The following SEMA3A variants were observed in gnomAD, a reference collection of about 807,000 sequenced individuals.
SEMA3A encodes semaphorin 3A.
A neutral mutation model predicts 97.9 loss-of-function variants in SEMA3A; 29 were observed. The observed-to-expected ratio is 0.30, with a 90% CI of 0.22 to 0.40. SEMA3A has a LOEUF of 0.40. Among genes scored for constraint, SEMA3A ranks in the 10% least tolerant of loss-of-function variants. The pLI, the probability that SEMA3A is intolerant of heterozygous loss-of-function variation, is 1.00. For missense variants in SEMA3A, 763 were observed against 951.3 expected, an observed-to-expected ratio of 0.80 and a Z score of 2.60; for synonymous variants, 321 against 323.7, an observed-to-expected ratio of 0.99 and a Z score of 0.09.
At chr7:84,309,899 G>A (rs1310968091) in intron 2 of SEMA3A, among the ~76,000 whole-genome samples, 1 of 152,108 alleles carries the variant, frequency 6.6e-6, no homozygotes, top group East Asian at 1.9e-4. Flanking sequence ...AGGGTGATGA[G>A]AGAAATATGA....
chr7:84,393,006 T>C (rs76216476), intron 1 of SEMA3A, among the ~76,000 whole-genome samples: 72 of 152,160 alleles, frequency 4.7e-4, no homozygotes, highest in African/African-American at 1.7e-3. Context: ...CTCTTCAACA[T>C]TGTTAGTTGT....
chr7:84,382,256 T>C (rs2116143664), intron 1 of SEMA3A, among the ~76,000 whole-genome samples: 1 of 151,794 alleles, frequency 6.6e-6, no homozygotes, highest in East Asian at 2.0e-4. Context: ...TACAGGTGCC[T>C]GCCGCCACCG....
chr7:84,426,287 GATA>G (rs1804826862), intron 1 of SEMA3A, among the ~76,000 whole-genome samples: 2 of 150,728 alleles, frequency 1.3e-5, no homozygotes, highest in Non-Finnish European at 2.9e-5. Context: ...CAGATAGATA[GATA>G]GATAGATAGA....
chr7:84,050,426 T>C (rs1465437820), intron 5 of SEMA3A, among the ~76,000 whole-genome samples: 1 of 152,146 alleles, frequency 6.6e-6, no homozygotes, highest in South Asian at 2.1e-4. Flanking sequence ...TGGTATCTCA[T>C]TGTGATTTTG....
intron 3 of SEMA3A, among the ~76,000 whole-genome samples, chr7:84,113,680 G>C (rs766046719): frequency 8.5e-5 from 13 of 152,132 alleles, no homozygotes; most frequent in South Asian, 2.1e-4. Flanking sequence ...AATTTAAGTT[G>C]ATGAACACAG....
chr7:84,464,762 C>T (rs1805947792), intron 1 of SEMA3A, among the ~76,000 whole-genome samples: 1 of 152,070 alleles, frequency 6.6e-6, no homozygotes, highest in Admixed American at 6.5e-5. Context: ...TTAGGAATAA[C>T]TAAGAAATAT....
Position 84,021,521 on chromosome 7 carries a change from C to A in SEMA3A, c.668-7170G>T, listed in dbSNP as rs75260527. On this transcript the variant is annotated intron_variant, in intron 6 of 16. Transcript: ENST00000265362. ...CACTCTGTTTTTTCCCTGCCTCCGG[C>A]CTTACCATCTCCAAACCACGTTGTA... Among the ~76,000 whole-genome samples, 222 of 152,304 alleles carry A rather than the reference C, an allele frequency of 1.5e-3. 2 individuals are homozygous for A. The East Asian group carries it at 0.016, about 11-fold the overall frequency.
At chr7:84,273,845 A>T (rs28573206) in intron 3 of SEMA3A, among the ~76,000 whole-genome samples, 1,675 of 151,938 alleles carry the variant, frequency 0.011, 28 homozygotes, top group African/African-American at 0.039. Context: ...TTTTATTTCC[A>T]TATTACAGGG....
chr7:84,206,965 T>C (rs185491415), intron 3 of SEMA3A, among the ~76,000 whole-genome samples: 440 of 152,316 alleles, frequency 2.9e-3, no homozygotes, highest in Non-Finnish European at 5.2e-3. Flanking sequence ...TATTCAATTA[T>C]TTACAAAGTC....
chr7:84,290,561 C>T lies in SEMA3A; in HGVS notation c.-83+16646G>A, dbSNP rs544388495. ...CACGTGACAGCCTTCAAATTGTCTC[C>T]TTTCCCAAATTCCTACAGCAACACC... On this transcript the variant is annotated intron_variant, in intron 3 of 3. Coordinates refer to the SEMA3A transcript ENST00000424555. Among the ~76,000 whole-genome samples, 12 of 152,146 alleles carry T rather than the reference C, an allele frequency of 7.9e-5. No homozygotes were observed. The East Asian group carries it at 2.3e-3, about 29-fold the overall frequency.
At chr7:84,040,069 T>A (rs777358407) in intron 6 of SEMA3A, among the ~76,000 whole-genome samples, 1 of 152,058 alleles carries the variant, frequency 6.6e-6, no homozygotes, top group Non-Finnish European at 1.5e-5. Context: ...TTAAATATTA[T>A]ATGACCTTTT....
intron 3 of SEMA3A, among the ~76,000 whole-genome samples, chr7:84,229,406 C>T (rs1251020033): frequency 6.6e-6 from 1 of 152,108 alleles, no homozygotes; most frequent in Non-Finnish European, 1.5e-5. Flanking sequence ...GATAAACATA[C>T]ACTTTTTCCT....
intron 1 of SEMA3A, among the ~76,000 whole-genome samples, chr7:84,453,726 A>ACT (rs1805621221): frequency 6.6e-6 from 1 of 152,172 alleles, no homozygotes; most frequent in African/African-American, 2.4e-5. Context: ...AGTAATAAGT[A>ACT]CTCTGTAACT....
At chr7:83,963,567 G>A (rs1485643806) in intron 15 of SEMA3A, among the ~76,000 whole-genome samples, 4 of 152,076 alleles carry the variant, frequency 2.6e-5, no homozygotes, top group East Asian at 3.9e-4. Flanking sequence ...AAACATAGAC[G>A]GAGATTTGTC....
rs117670845 is a variant in SEMA3A, at chr7:84,104,196, C to T, written c.453+6274G>A. On this transcript the variant is annotated intron_variant, in intron 4 of 16. Transcript: ENST00000265362. ...AAATCAGATACTATAGTGCTCACTT[C>T]GGCAGCACATACACTAAAAAATAAA... Among the ~76,000 whole-genome samples the T allele has an allele frequency of 5.4e-3, 822 of 152,114 alleles. 2 individuals carry two copies. The highest frequency in any genetic ancestry group is 0.019 in the East Asian group (98 of 5,184).
At chr7:84,416,018 G>A (rs1217515126) in intron 1 of SEMA3A, among the ~76,000 whole-genome samples, 4 of 152,050 alleles carry the variant, frequency 2.6e-5, no homozygotes, top group Admixed American at 6.6e-5. Flanking sequence ...AGGTAGACCA[G>A]TAATCTCCAT....
rs555956617 is a variant in SEMA3A, at chr7:84,070,616, C to T, written c.454-10058G>A. The stretch of plus-strand genomic sequence containing the variant: ...AATTATGTGAAAACTAATAGTTGGA[C>T]GGTATTGAAAGAATGTATGTTATCA... On this transcript the variant is annotated intron_variant, in intron 4 of 16. Coordinates refer to ENST00000265362, the MANE Select transcript of SEMA3A (RefSeq NM_006080.3). Among the ~76,000 whole-genome samples the T allele has an allele frequency of 1.4e-4, 21 of 151,998 alleles. No individual in the cohort carries two copies. The South Asian group carries it at 1.7e-3, about 12-fold the overall frequency.
At chr7:84,062,408 T>C (rs1793259228) in intron 4 of SEMA3A, among the ~76,000 whole-genome samples, 1 of 151,158 alleles carries the variant, frequency 6.6e-6, no homozygotes, top group East Asian at 2.0e-4. Flanking sequence ...AATTAGGAAA[T>C]AGGAGGAGCC....
At position 84,297,266 on chromosome 7, in the gene SEMA3A, C is replaced by T. The variant is rs1375704548; in HGVS notation, c.-83+9941G>A. Reference sequence around the variant, plus strand: ...TTCTGGGATTACAGGTGTGAGCCACCGTGCCCAGCCGAGTTTTTAATCACA... The same window carrying T: ...TTCTGGGATTACAGGTGTGAGCCACTGTGCCCAGCCGAGTTTTTAATCACA... On this transcript the variant is annotated intron_variant, in intron 3 of 3. Coordinates refer to the SEMA3A transcript ENST00000424555. 9.2e-5 allele frequency among the ~76,000 whole-genome samples: 14 copies of T among 152,168 alleles called. No homozygotes were observed. In the East Asian group the frequency reaches 1.2e-3, roughly 13 times the overall value.
Sources: allele counts gnomAD v4.1 joint callset (sites outside exome capture counted in the v4.1 genomes callset), GRCh38; gene constraint gnomAD v4.1.1; transcripts MANE v1.5; gene names NCBI Gene and HGNC (gene_info 2026-07-23, HGNC 2026-07-21).